Variants in SNX27 observed in about 807,000 individuals in gnomAD.
SNX27 encodes sorting nexin 27, also known as sorting nexin-27.
Under a neutral mutation model 71.6 loss-of-function variants are expected in SNX27, and 22 were observed. The observed-to-expected ratio is 0.31, with a 90% CI of 0.22 to 0.44. The LOEUF (loss-of-function observed/expected upper bound fraction) is 0.44. SNX27 is among the 20% of genes least tolerant of loss of function. The probability of loss-of-function intolerance (pLI) is 1.00; values close to 1 mark genes in which losing one functional copy is unlikely to be tolerated. For synonymous variants in SNX27, 269 were observed against 277.2 expected, an observed-to-expected ratio of 0.97 and a Z score of 0.29; for missense variants, 531 against 698.6, an observed-to-expected ratio of 0.76 and a Z score of 2.70.
At chr1:151,677,853 A>G (rs1159061653) in intron 7 of SNX27, 5 of 152,184 alleles carry the variant, frequency 3.3e-5, no homozygotes, top group African/African-American at 1.2e-4. Flanking sequence ...ACTTTTCTGA[A>G]CTTTCCTATT....
chr1:151,652,511 C>G (rs1267275955), intron 2 of SNX27, among the ~76,000 whole-genome samples: 1 of 151,072 alleles, frequency 6.6e-6, no homozygotes, highest in Non-Finnish European at 1.5e-5. Flanking sequence ...CAAGTTCACG[C>G]AATTCTCCTG....
chr1:151,629,612 C>T (rs1456531367), intron 1 of SNX27, among the ~76,000 whole-genome samples: 2 of 144,298 alleles, frequency 1.4e-5, no homozygotes, highest in Non-Finnish European at 3.0e-5. Flanking sequence ...GAGACAGAGT[C>T]TCACTCTGTT....
intron 2 of SNX27, among the ~76,000 whole-genome samples, chr1:151,650,717 T>A (rs932777382): frequency 2.0e-5 from 3 of 151,934 alleles, no homozygotes; most frequent in African/African-American, 4.8e-5. Flanking sequence ...TGAACAAAGG[T>A]CTCTGGTTTT....
At chr1:151,618,459 A>C (rs1667528949) in intron 1 of SNX27, among the ~76,000 whole-genome samples, 1 of 152,198 alleles carries the variant, frequency 6.6e-6, no homozygotes, top group African/African-American at 2.4e-5. Context: ...CTCAGAAATC[A>C]CTTCCACAGA....
intron 4 of SNX27, 50 bp from the exon 5 acceptor site, chr1:151,662,116 A>T: frequency 7.8e-7 from 1 of 1,276,456 alleles, no homozygotes. Flanking sequence ...TTACAGGGAG[A>T]GTGAAGATAT....
intron 11 of SNX27, chr1:151,694,131 A>T: frequency 7.8e-7 from 1 of 1,281,912 alleles, no homozygotes; most frequent in Non-Finnish European, 9.9e-7. Context: ...TGGGTAAATC[A>T]GCCTCCCTAG....
intron 8 of SNX27, among the ~76,000 whole-genome samples, 188 bp downstream of exon 8, chr1:151,683,633 A>G (rs1429913373): frequency 2.1e-5 from 3 of 145,804 alleles, no homozygotes; most frequent in Admixed American, 7.2e-5. Context: ...ATCTTGAATT[A>G]CTGTGTATTA....
At chr1:151,638,742 C>T in intron 1 of SNX27, 146 bp from the exon 2 acceptor site, 1 of 739,006 alleles carries the variant, frequency 1.4e-6, no homozygotes. Flanking sequence ...ACTGTTAAAA[C>T]ATAAACAACT....
rs34826631 is a variant in SNX27, at chr1:151,652,927, CTT to C, written c.544-5292_544-5291del. 5.3e-3 allele frequency among the ~76,000 whole-genome samples: 575 copies of C among 109,440 alleles called. 1 individual carries two copies. The highest frequency in any genetic ancestry group is 0.014 in the African/African-American group (419 of 30,866). 71.8% of individuals were successfully genotyped at this position (109,440 alleles called of 152,430 possible). Reference sequence around the variant, plus strand: ...TATCTCTTGACATAATGTTGGGTTTCTTTTTTTTTTTTTTTTTGAGATGGAGA... The same window carrying C: ...TATCTCTTGACATAATGTTGGGTTTCTTTTTTTTTTTTTTTGAGATGGAGA... On this transcript the variant is annotated intron_variant, in intron 2 of 11. Coordinates refer to ENST00000458013, the MANE Select transcript of SNX27 (RefSeq NM_001330723.2).
At chr1:151,657,530 C>T (rs757823937) in intron 2 of SNX27, among the ~76,000 whole-genome samples, 2 of 152,144 alleles carry the variant, frequency 1.3e-5, no homozygotes, top group African/African-American at 2.4e-5. Flanking sequence ...GTTTAGGCCA[C>T]ACACGAGTAT....
intron 1 of SNX27, 124 bp from the exon 2 acceptor site, chr1:151,638,764 A>T (rs1668585397): frequency 2.3e-6 from 2 of 874,030 alleles, no homozygotes; most frequent in East Asian, 2.6e-5. Context: ...TTCTGGAACC[A>T]AATTAATCTT....
chr1:151,670,369 A>C (rs2102698829), intron 7 of SNX27, among the ~76,000 whole-genome samples: 1 of 152,320 alleles, frequency 6.6e-6, no homozygotes, highest in East Asian at 1.9e-4. Flanking sequence ...GAATGTGGAT[A>C]TCTCTTCAAA....
intron 8 of SNX27, among the ~76,000 whole-genome samples, chr1:151,688,856 T>C (rs1410772701): frequency 6.6e-6 from 1 of 152,048 alleles, no homozygotes; most frequent in Non-Finnish European, 1.5e-5. Flanking sequence ...TGTTTCTTCT[T>C]TGAGGCTTTG....
At chr1:151,693,080 T>C (rs1163994854) in intron 10 of SNX27, 41 bp downstream of exon 10, 1 of 1,592,854 alleles carries the variant, frequency 6.3e-7, no homozygotes, top group South Asian at 1.2e-5. Flanking sequence ...CTTAGTTTGT[T>C]TTTTTGTTTT....
chr1:151,635,010 C>A (rs1668405880), intron 1 of SNX27, among the ~76,000 whole-genome samples: 1 of 152,160 alleles, frequency 6.6e-6, no homozygotes, highest in African/African-American at 2.4e-5. Flanking sequence ...TCTTGTGAAG[C>A]TGGCTATCTG....
At chr1:151,679,326 TTA>T (rs1670838689) in intron 7 of SNX27, 1 of 152,214 alleles carries the variant, frequency 6.6e-6, no homozygotes, top group Admixed American at 6.5e-5. Flanking sequence ...TGATGAGATA[TTA>T]TATGTTAGTT....
In SNX27 at chr1:151,612,288, C is replaced by T. The variant is rs1244208868; in HGVS notation, c.87C>T (p.His29=). Residue 29 remains histidine (H), a synonymous_variant, in exon 1 of 12, where the codon CAC becomes CAT. Coordinates refer to ENST00000458013, the MANE Select transcript of SNX27 (RefSeq NM_001330723.2). The surrounding 1 kb of genome is among the most constrained non-coding windows in gnomAD (Gnocchi z 5.2). ...GCGGCGGCGGGGGGTCTGGGCTCCACTGCGCCGGGAACGGCGGCGGGGGAG... is the reference window on the plus strand; with the variant it reads ...GCGGCGGCGGGGGGTCTGGGCTCCATTGCGCCGGGAACGGCGGCGGGGGAG... ...GGGGGGGSGL[H]CAGNGGGGGG... is the part of the protein sequence containing the mutation. The T allele has an allele frequency of 2.7e-6, 4 of 1,507,564 alleles. No homozygotes were observed. In the African/African-American group the frequency reaches 5.7e-5, roughly 22 times the overall value. The allele number at this position is 1,507,564 out of a possible 1,614,324, so 93.4% of individuals were successfully genotyped here.
At chr1:151,692,405 C>CTTTTT in intron 8 of SNX27, 30 bp from the exon 9 acceptor site, 2 of 1,261,158 alleles carry the variant, frequency 1.6e-6, no homozygotes, top group South Asian at 1.5e-5. Flanking sequence ...GTTTCTCCTT[C>CTTTTT]CTTTTTTTTT....
rs891216052 is a variant in SNX27, at chr1:151,696,463, TTC to T, written c.*2048_*2049del. On this transcript the variant is annotated 3_prime_UTR_variant, in exon 12 of 12. Transcript: ENST00000458013. ...TTGCAAATCATTGTGAGGCCACTTTTTCTTTCTTTCTTTCTTTCTTTCTTTCT... is the reference window on the plus strand; with the variant it reads ...TTGCAAATCATTGTGAGGCCACTTTTTTTCTTTCTTTCTTTCTTTCTTTCT... The T allele has an allele frequency of 4.2e-5, 2 of 47,770 alleles. No homozygotes were observed. Among genetic ancestry groups the T allele is most frequent in the Admixed American group, 2.0e-4 (1 of 5,082 alleles). The allele number at this position is 47,770 out of a possible 1,614,324, so 3.0% of individuals were successfully genotyped here.
Sources: gnomAD v4.1 joint callset for allele counts (sites outside exome capture counted in the v4.1 genomes callset) on GRCh38, gnomAD v4.1.1 for gene constraint, Gnocchi (gnomAD v3.1) non-coding constraint, MANE v1.5 for transcripts, NCBI Gene and HGNC (gene_info 2026-07-23, HGNC 2026-07-21) for gene names.